Variants in INPP1 observed in about 807,000 individuals in gnomAD.
INPP1 encodes inositol polyphosphate-1-phosphatase.
A neutral mutation model predicts 23.0 loss-of-function variants in INPP1; 18 were observed. The observed-to-expected ratio is 0.78, with a 90% CI of 0.54 to 1.16. The LOEUF (loss-of-function observed/expected upper bound fraction) is 1.16. INPP1 is among the 50% of genes most tolerant of loss of function. The pLI is 0.00. For synonymous variants in INPP1, 164 were observed against 176.3 expected, an observed-to-expected ratio of 0.93 and a Z score of 0.55; for missense variants, 448 against 482.1, an observed-to-expected ratio of 0.93 and a Z score of 0.66.
intron 1 of INPP1, among the ~76,000 whole-genome samples, chr2:190,344,999 T>C (rs1046120941): frequency 1.5e-4 from 23 of 152,234 alleles, no homozygotes; most frequent in African/African-American, 4.8e-4. Flanking sequence ...CTACTCTTGA[T>C]TGGTGAATTA....
chr2:190,362,492 T>C, intron 3 of INPP1, 135 bp from the exon 4 acceptor site: 1 of 530,038 alleles, frequency 1.9e-6, no homozygotes, highest in Non-Finnish European at 3.3e-6. Flanking sequence ...CTTGGATTGG[T>C]TTCTAGAATT....
chr2:190,354,501 G>T lies in INPP1; in HGVS notation c.-65+5470G>T, dbSNP rs1310620944. Among the ~76,000 whole-genome samples the T allele has an allele frequency of 1.3e-5, 2 of 152,194 alleles. No homozygotes were observed. The highest frequency in any genetic ancestry group is 6.5e-5 in the Admixed American group (1 of 15,288). On this transcript the variant is annotated intron_variant, in intron 2 of 6. Coordinates refer to ENST00000392329, the MANE Select transcript of INPP1 (RefSeq NM_001128928.2). This position sits in a 1 kb window ranked among gnomAD's most constrained non-coding sequence, Gnocchi z 4.8. The stretch of plus-strand genomic sequence containing the variant: ...GGCGGATCCTTATCCAGTCTGACTG[G>T]CGTCCTTGTAAGAAAAGGGAGACAT...
chr2:190,347,404 A>T (rs987032450), intron 1 of INPP1, among the ~76,000 whole-genome samples: 1 of 152,156 alleles, frequency 6.6e-6, no homozygotes, highest in African/African-American at 2.4e-5. Flanking sequence ...GTTATATATA[A>T]AAAAATTAAA....
rs1559087103 is a variant in INPP1 at position 190,370,842 on chromosome 2, AG to A, written c.642del. The A allele has an allele frequency of 1.9e-6, 3 of 1,561,662 alleles. No homozygotes were observed. The highest frequency in any genetic ancestry group is 2.6e-6 in the Non-Finnish European group (3 of 1,153,626). ...TCACCAATTGAAATTTTTCTTCTAC[AG>A]GTGGAAAGGACAGTGCTATTGGGGC... On this transcript the variant is annotated splice_acceptor_variant, in intron 6 of 6. Coordinates refer to ENST00000392329, the MANE Select transcript of INPP1 (RefSeq NM_001128928.2). LOFTEE classifies it high-confidence loss of function.
Position 190,371,543 on chromosome 2 carries a change from C to G in INPP1, c.*141C>G, listed in dbSNP as rs1689808481. The stretch of plus-strand genomic sequence containing the variant: ...GAGGAGTATTTTTCCATTATGTATT[C>G]ATAATAATGTTAATTTCAATAAATG... On this transcript the variant is annotated 3_prime_UTR_variant, in exon 7 of 7. Coordinates refer to ENST00000392329, the MANE Select transcript of INPP1 (RefSeq NM_001128928.2). This position sits in a 1 kb window ranked among gnomAD's most constrained non-coding sequence, Gnocchi z 5.3. 1.9e-6 allele frequency: 1 copy of G among 526,962 alleles called. No individual in the cohort carries two copies. 32.6% of individuals were successfully genotyped at this position (526,962 alleles called of 1,614,324 possible).
At chr2:190,348,009 G>A (rs1012550243) in intron 1 of INPP1, among the ~76,000 whole-genome samples, 3 of 152,176 alleles carry the variant, frequency 2.0e-5, no homozygotes, top group Admixed American at 6.5e-5. Context: ...GTGGTAGCGC[G>A]TGCCTGTAAT....
intron 6 of INPP1, 132 bp from the exon 7 acceptor site, chr2:190,370,712 A>AGACTT: frequency 2.8e-6 from 2 of 704,514 alleles, no homozygotes; most frequent in South Asian, 3.7e-5. Context: ...ATCTATTCCT[A>AGACTT]GACTTAAAGG....
chr2:190,358,665 T>C (rs1192288459), intron 2 of INPP1, among the ~76,000 whole-genome samples: 10 of 152,232 alleles, frequency 6.6e-5, no homozygotes, highest in Non-Finnish European at 1.2e-4. Context: ...AGCTTAACTA[T>C]AAAACAGGGT....
chr2:190,357,515 C>A (rs1339294519), intron 2 of INPP1, among the ~76,000 whole-genome samples: 2 of 152,140 alleles, frequency 1.3e-5, no homozygotes, highest in African/African-American at 4.8e-5. Context: ...TTCCACTTAA[C>A]ATTAGTGCAT....
Position 190,369,127 on chromosome 2 carries a change from G to T in INPP1, c.491G>T (p.Gly164Val). 10 of 1,601,284 alleles carry T rather than the reference G, an allele frequency of 6.2e-6. No homozygotes were observed. The highest frequency in any genetic ancestry group is 8.5e-6 in the Non-Finnish European group (10 of 1,171,498). ...PIDSTYQYIKGSADIKSNQGI... is the reference protein window; with the variant it reads ...PIDSTYQYIKVSADIKSNQGI... ...GATTCAACTTATCAGTATATAAAAG[G>T]TTCTGCTGACATTAAATCCAACCAG... The change falls in exon 6 of 7, where the codon GGT becomes GTT. Residue 164 changes from glycine to valine, a missense_variant. Transcript: ENST00000392329.
At chr2:190,357,562 CATG>C (rs781447033) in intron 2 of INPP1, among the ~76,000 whole-genome samples, 17 of 152,198 alleles carry the variant, frequency 1.1e-4, no homozygotes, top group Non-Finnish European at 2.4e-4. Context: ...TCTTCAAAAA[CATG>C]ATTTTACCAA....
chr2:190,353,433 G>A (rs1051329871), intron 2 of INPP1, among the ~76,000 whole-genome samples: 1 of 152,240 alleles, frequency 6.6e-6, no homozygotes, highest in Admixed American at 6.5e-5. Flanking sequence ...TAATGGAGTA[G>A]TAAGTTTTAA....
chr2:190,366,850 AT>A lies in INPP1; in HGVS notation c.422del (p.Ile141ThrfsTer15). The part of the protein sequence containing the change: ...FTDPTLDSTE[I>X]NVPQDILGIW... Reference sequence around the variant, plus strand: ...TGACCCAACTCTGGATTCCACAGAGATCAATGTTCCACAGGACATTTTGGGA... The same window carrying A: ...TGACCCAACTCTGGATTCCACAGAGACAATGTTCCACAGGACATTTTGGGA... On this transcript the variant is annotated frameshift_variant, in exon 5 of 7. Coordinates refer to ENST00000392329, the MANE Select transcript of INPP1 (RefSeq NM_001128928.2). LOFTEE classifies it high-confidence loss of function. 6.2e-7 allele frequency: 1 copy of A among 1,614,052 alleles called. No individual in the cohort carries two copies. The highest frequency in any genetic ancestry group is 1.1e-5 in the South Asian group (1 of 91,072).
Position 190,363,694 on chromosome 2 carries a change from C to A in INPP1, c.265+1007C>A, listed in dbSNP as rs2067427. Among the ~76,000 whole-genome samples, 62,359 of 151,710 alleles carry A rather than the reference C, an allele frequency of 0.41. 14,779 individuals carry two copies. The highest frequency in any genetic ancestry group is 0.66 in the African/African-American group (27,129 of 41,298). On this transcript the variant is annotated intron_variant, in intron 4 of 6. Coordinates refer to ENST00000392329, the MANE Select transcript of INPP1 (RefSeq NM_001128928.2). The surrounding 1 kb of genome is among the most constrained non-coding windows in gnomAD (Gnocchi z 4.4). ...TGCAGTTAGTTCTATGTTAGTAATA[C>A]GGGAAAGAAATCTTTTAAACCTCTG...
rs1304607191 is a variant in INPP1, at chr2:190,371,197, T to C, written c.995T>C (p.Val332Ala). ...CTGAGGGCCATGGGTGGGGGAATAG[T>C]AGACTTGAAAGAATGCTTAGAAAGA... ...AILRAMGGGI[V>A]DLKECLERNP... Residue 332 changes from valine (V) to alanine (A), a missense_variant, in exon 7 of 7, where the codon GTA becomes GCA. Val to Ala is a moderately conservative substitution (Grantham distance 64). Coordinates refer to ENST00000392329, the MANE Select transcript of INPP1 (RefSeq NM_001128928.2). The surrounding 1 kb of genome is among the most constrained non-coding windows in gnomAD (Gnocchi z 5.3). 2 of 1,613,806 alleles carry C rather than the reference T, an allele frequency of 1.2e-6. No individual in the cohort carries two copies. The highest frequency in any genetic ancestry group is 2.7e-5 in the African/African-American group (2 of 74,914).
chr2:190,362,796 C>T (rs948315290), intron 4 of INPP1, 109 bp downstream of exon 4: 13 of 613,296 alleles, frequency 2.1e-5, no homozygotes, highest in African/African-American at 2.1e-4. Context: ...CTGTAAACAA[C>T]ATAATATATT....
In INPP1 at chr2:190,354,231, G is replaced by A. The variant is rs1350389724; in HGVS notation, c.-65+5200G>A. Among the ~76,000 whole-genome samples, 2 of 152,180 alleles carry A rather than the reference G, an allele frequency of 1.3e-5. No homozygotes were observed. The highest frequency in any genetic ancestry group is 2.4e-5 in the African/African-American group (1 of 41,442). ...TGCCTCACAGATGTTTCTTATTGAC[G>A]ACATAAATGGGGAGGAAAACACTAT... On this transcript the variant is annotated intron_variant, in intron 2 of 6. Coordinates refer to ENST00000392329, the MANE Select transcript of INPP1 (RefSeq NM_001128928.2). This position sits in a 1 kb window ranked among gnomAD's most constrained non-coding sequence, Gnocchi z 4.8.
chr2:190,360,160 C>T lies in INPP1; in HGVS notation c.58C>T (p.Arg20Trp), dbSNP rs776960743. 9 of 1,613,904 alleles carry T rather than the reference C, an allele frequency of 5.6e-6. No individual in the cohort carries two copies. The highest frequency in any genetic ancestry group is 4.4e-5 in the South Asian group (4 of 91,068). Residue 20 changes from arginine (R) to tryptophan (W), a missense_variant, in exon 3 of 7, where the codon CGG (arginine) becomes TGG (tryptophan). Coordinates refer to ENST00000392329, the MANE Select transcript of INPP1 (RefSeq NM_001128928.2). Reference sequence around the variant, plus strand: ...CTCTGAGAAGGCTGCTAACATTGCCCGGGCGTGCAGACAGCAGGAAGCCCT... The same window carrying T: ...CTCTGAGAAGGCTGCTAACATTGCCTGGGCGTGCAGACAGCAGGAAGCCCT... The part of the protein sequence containing the change: ...CVSEKAANIA[R>W]ACRQQEALFQ...
At chr2:190,366,272 CCTGT>C (rs1689664561) in intron 4 of INPP1, among the ~76,000 whole-genome samples, 1 of 56,336 alleles carries the variant, frequency 1.8e-5, no homozygotes, top group South Asian at 5.2e-4. Flanking sequence ...TTTCACTCTT[CCTGT>C]CTCTCTCTCG....
Sources: allele counts gnomAD v4.1 joint callset (sites outside exome capture counted in the v4.1 genomes callset), GRCh38; gene constraint gnomAD v4.1.1; non-coding constraint Gnocchi (gnomAD v3.1); transcripts MANE v1.5; gene names NCBI Gene and HGNC (gene_info 2026-07-23, HGNC 2026-07-21).